KCNAB1: variants seen among roughly 807,000 people sequenced by gnomAD.
KCNAB1 encodes the protein voltage-gated potassium channel subunit beta-1.
KCNAB1 carries 35 observed loss-of-function variants against 64.6 expected under a neutral mutation model. The observed-to-expected ratio is 0.54, with a 90% CI of 0.41 to 0.72. The LOEUF is 0.72. Ranked by LOEUF, KCNAB1 falls within the 30% of genes least tolerant of loss-of-function variation. The probability of loss-of-function intolerance (pLI) is 0.00; values close to 1 mark genes in which losing one functional copy is unlikely to be tolerated. For synonymous variants in KCNAB1, 177 were observed against 183.8 expected, an observed-to-expected ratio of 0.96 and a Z score of 0.30; for missense variants, 401 against 512.9, an observed-to-expected ratio of 0.78 and a Z score of 2.11.
rs959475491 is a variant in KCNAB1 at position 156,387,020 on chromosome 3, T to C, written c.276-34596T>C. Among the ~76,000 whole-genome samples, 900 of 147,346 alleles carry C rather than the reference T, an allele frequency of 6.1e-3. 44 individuals are homozygous for C. The highest frequency in any genetic ancestry group is 0.022 in the African/African-American group (854 of 38,996). On this transcript the variant is annotated intron_variant, in intron 1 of 13. Coordinates refer to ENST00000490337, the MANE Select transcript of KCNAB1 (RefSeq NM_172160.3). ...TTGCTTGCTTTCTCTCTCTCTTTTT[T>C]TTTTTTTTTTTTTTGCCTGTATGCT...
chr3:156,434,431 A>G (rs1432451705), intron 2 of KCNAB1, among the ~76,000 whole-genome samples: 2 of 152,250 alleles, frequency 1.3e-5, no homozygotes, highest in Non-Finnish European at 2.9e-5. Flanking sequence ...CGGAAGGTAT[A>G]TCAGGGCAGT....
chr3:156,415,723 T>A (rs1576836990), intron 1 of KCNAB1, among the ~76,000 whole-genome samples: 1 of 152,230 alleles, frequency 6.6e-6, no homozygotes, highest in South Asian at 2.1e-4. Context: ...CAGCTTCCTC[T>A]CCATCATCTG....
intron 1 of KCNAB1, among the ~76,000 whole-genome samples, chr3:156,269,175 T>A (rs1427854605): frequency 6.6e-6 from 1 of 152,234 alleles, no homozygotes; most frequent in African/African-American, 2.4e-5. Context: ...ACTGTAGATG[T>A]ATGGATTTGT....
At chr3:156,209,338 G>T (rs1560137484) in intron 1 of KCNAB1, among the ~76,000 whole-genome samples, 2 of 152,094 alleles carry the variant, frequency 1.3e-5, no homozygotes, top group African/African-American at 4.8e-5. Flanking sequence ...TATGTTAACT[G>T]GTATTTTGTT....
At chr3:156,518,992 T>C (rs1404080335) in intron 11 of KCNAB1, among the ~76,000 whole-genome samples, 1 of 152,150 alleles carries the variant, frequency 6.6e-6, no homozygotes, top group East Asian at 1.9e-4. Flanking sequence ...AGCCAAAGCA[T>C]TACCTCAGAC....
At chr3:156,421,557 T>G in intron 1 of KCNAB1, 59 bp from the exon 2 acceptor site, 1 of 1,531,126 alleles carries the variant, frequency 6.5e-7, no homozygotes, top group Non-Finnish European at 9.0e-7. Context: ...TATCCACTTA[T>G]GCATGTACAG....
intron 1 of KCNAB1, among the ~76,000 whole-genome samples, chr3:156,401,282 C>G (rs920701155): frequency 3.3e-5 from 5 of 152,216 alleles, no homozygotes; most frequent in African/African-American, 1.2e-4. Flanking sequence ...TTTATACATA[C>G]GTGTATGTGC....
At chr3:156,337,994 A>G (rs1426676516) in intron 1 of KCNAB1, among the ~76,000 whole-genome samples, 2 of 152,188 alleles carry the variant, frequency 1.3e-5, no homozygotes, top group Non-Finnish European at 2.9e-5. Flanking sequence ...ATGGCGATGT[A>G]TATACAAGTA....
intron 1 of KCNAB1, among the ~76,000 whole-genome samples, chr3:156,363,237 T>G (rs1725725900): frequency 6.6e-6 from 1 of 152,262 alleles, no homozygotes; most frequent in Non-Finnish European, 1.5e-5. Context: ...GTTTGACAAG[T>G]GGTTATGCCT....
At chr3:156,423,096 C>G (rs559599334) in intron 2 of KCNAB1, among the ~76,000 whole-genome samples, 29 of 152,166 alleles carry the variant, frequency 1.9e-4, no homozygotes, top group Non-Finnish European at 2.5e-4. Context: ...TTGGAATGGT[C>G]CCCTGGGAGA....
At chr3:156,217,727 G>A (rs1164818501) in intron 1 of KCNAB1, among the ~76,000 whole-genome samples, 1 of 152,166 alleles carries the variant, frequency 6.6e-6, no homozygotes, top group Non-Finnish European at 1.5e-5. Flanking sequence ...TCCCTCCAGG[G>A]GATGGCAAAT....
chr3:156,320,032 A>T (rs1017208402), intron 1 of KCNAB1, among the ~76,000 whole-genome samples: 16 of 152,198 alleles, frequency 1.1e-4, no homozygotes, highest in Admixed American at 2.0e-4. Flanking sequence ...GAGCAGGGCT[A>T]CATCCATCCT....
chr3:156,164,352 A>T (rs1044353428), intron 1 of KCNAB1, among the ~76,000 whole-genome samples: 1 of 152,148 alleles, frequency 6.6e-6, no homozygotes, highest in African/African-American at 2.4e-5. Context: ...GATGTTACCA[A>T]TGAGGCCGCT....
chr3:156,464,051 A>G (rs1713153642), intron 6 of KCNAB1, among the ~76,000 whole-genome samples: 1 of 152,210 alleles, frequency 6.6e-6, no homozygotes, highest in Non-Finnish European at 1.5e-5. Flanking sequence ...AATTTGAGGA[A>G]AGAAAAATAG....
rs995509001 is a variant in KCNAB1 at position 156,537,012 on chromosome 3, G to A, written c.*265G>A. On this transcript the variant is annotated 3_prime_UTR_variant, in exon 14 of 14. Coordinates refer to ENST00000490337, the MANE Select transcript of KCNAB1 (RefSeq NM_172160.3). ...TGTATACACCTCATGCTTATGCAAT[G>A]GGAAGAATATGGGGGCCAGGGGGTG... 4.2e-6 allele frequency: 2 copies of A among 480,914 alleles called. No individual in the cohort carries two copies. Among genetic ancestry groups the A allele is most frequent in the African/African-American group, 2.0e-5 (1 of 50,984 alleles). The allele number at this position is 480,914 out of a possible 1,614,324, so 29.8% of individuals were successfully genotyped here. A position where few individuals can be genotyped will look rare whatever the true frequency, so the allele number is the denominator to read the frequency against.
chr3:156,267,107 T>G (rs1718766437), intron 1 of KCNAB1, among the ~76,000 whole-genome samples: 1 of 152,212 alleles, frequency 6.6e-6, no homozygotes, highest in Non-Finnish European at 1.5e-5. Flanking sequence ...AGATAACTAC[T>G]GATAATATTT....
chr3:156,188,637 C>T (rs1713359689), intron 1 of KCNAB1, among the ~76,000 whole-genome samples: 1 of 152,142 alleles, frequency 6.6e-6, no homozygotes, highest in South Asian at 2.1e-4. Flanking sequence ...CTACTAATTT[C>T]AATATACATT....
chr3:156,260,947 A>G (rs1369465090), intron 1 of KCNAB1, among the ~76,000 whole-genome samples: 2 of 152,174 alleles, frequency 1.3e-5, no homozygotes, highest in Non-Finnish European at 2.9e-5. Context: ...TAGTAAGTGT[A>G]TAGAGGTGTC....
chr3:156,418,672 G>A (rs1715264203), intron 1 of KCNAB1, among the ~76,000 whole-genome samples: 1 of 152,166 alleles, frequency 6.6e-6, no homozygotes, highest in Non-Finnish European at 1.5e-5. Flanking sequence ...TGTTGGGAGT[G>A]CCTTAAGTGG....
Sources: allele counts gnomAD v4.1 joint callset (sites outside exome capture counted in the v4.1 genomes callset), GRCh38; gene constraint gnomAD v4.1.1; transcripts MANE v1.5; gene names NCBI Gene and HGNC (gene_info 2026-07-23, HGNC 2026-07-21).